PCDHGB3: variants seen among roughly 807,000 people sequenced by gnomAD.
PCDHGB3 encodes the protein protocadherin gamma subfamily B, 3.
PCDHGB3 carries 40 observed loss-of-function variants against 59.2 expected under a neutral mutation model. The ratio of observed to expected loss-of-function variants is 0.68; its 90% CI spans 0.52 to 0.88. The LOEUF is 0.88. Ranked by LOEUF, PCDHGB3 falls within the 40% of genes least tolerant of loss-of-function variation. The probability of loss-of-function intolerance (pLI) is 0.00; values close to 1 mark genes in which losing one functional copy is unlikely to be tolerated. For synonymous variants in PCDHGB3, 581 were observed against 503.6 expected, an observed-to-expected ratio of 1.15 and a Z score of -2.06; for missense variants, 1,309 against 1,187.9, an observed-to-expected ratio of 1.10 and a Z score of -1.50.
intron 1 of PCDHGB3, chr5:141,410,439 G>A (rs775594110): frequency 3.1e-6 from 5 of 1,614,006 alleles, no homozygotes; most frequent in Admixed American, 3.3e-5. Context: ...TACAGTGAGG[G>A]GACTTTGCCT....
At chr5:141,403,873 A>G in intron 1 of PCDHGB3, 1 of 1,613,840 alleles carries the variant, frequency 6.2e-7, no homozygotes, top group Non-Finnish European at 8.5e-7. Flanking sequence ...CAAAAAGTCT[A>G]GATTATGAAG....
chr5:141,472,486 G>A (rs1300618918), intron 1 of PCDHGB3, among the ~76,000 whole-genome samples: 1 of 152,050 alleles, frequency 6.6e-6, no homozygotes, highest in Non-Finnish European at 1.5e-5. Flanking sequence ...CTTGCAGTGA[G>A]ACGAGATCGT....
At chr5:141,455,860 A>ATTATTTAT (rs145569377) in intron 1 of PCDHGB3, among the ~76,000 whole-genome samples, 155 of 139,844 alleles carry the variant, frequency 1.1e-3, no homozygotes, top group Non-Finnish European at 1.5e-3. Flanking sequence ...AATTTCTTTT[A>ATTATTTAT]TTATTTATTT....
intron 1 of PCDHGB3, among the ~76,000 whole-genome samples, chr5:141,488,350 C>G (rs1191478919): frequency 6.6e-6 from 1 of 152,176 alleles, no homozygotes; most frequent in Non-Finnish European, 1.5e-5. Context: ...GAAACAGCCA[C>G]CCTGTGCATC....
At chr5:141,475,957 G>A (rs776101269) in intron 1 of PCDHGB3, 148 of 812,416 alleles carry the variant, frequency 1.8e-4, no homozygotes, top group Non-Finnish European at 2.6e-4. Flanking sequence ...CTGCGCCCCG[G>A]GATGAGGCAG....
At chr5:141,465,767 T>A (rs1427458413) in intron 1 of PCDHGB3, among the ~76,000 whole-genome samples, 1 of 152,016 alleles carries the variant, frequency 6.6e-6, no homozygotes, top group Non-Finnish European at 1.5e-5. Context: ...TCATGTTTCA[T>A]CTCTTGTTAC....
intron 1 of PCDHGB3, chr5:141,383,002 G>C (rs376825891): frequency 1.2e-6 from 2 of 1,613,768 alleles, no homozygotes; most frequent in African/African-American, 1.3e-5. Context: ...TCTCTACTCC[G>C]TGTCGGAGGA....
rs1486554010 is a variant in PCDHGB3 at position 141,431,630 on chromosome 5, G to C, written c.2415+58821G>C. Reference sequence around the variant, plus strand: ...GTATGTGGACGACAAGGCGGCCCAAGTTTTCAAACTAGATTGTAATTCAGG... The same window carrying C: ...GTATGTGGACGACAAGGCGGCCCAACTTTTCAAACTAGATTGTAATTCAGG... On this transcript the variant is annotated intron_variant, in intron 1 of 3. Transcript: ENST00000576222. This position sits in a 1 kb window ranked among gnomAD's most constrained non-coding sequence, Gnocchi z 4.8. 6.2e-7 allele frequency: 1 copy of C among 1,614,250 alleles called. No individual in the cohort carries two copies. Among genetic ancestry groups the C allele is most frequent in the East Asian group, 2.2e-5 (1 of 44,882 alleles).
At chr5:141,419,807 G>A in intron 1 of PCDHGB3, 2 of 1,614,074 alleles carry the variant, frequency 1.2e-6, no homozygotes, top group South Asian at 1.1e-5. Flanking sequence ...AAGAGATGGA[G>A]GACAGCCACC....
At chr5:141,401,128 G>A (rs1271194736) in intron 1 of PCDHGB3, among the ~76,000 whole-genome samples, 3 of 152,166 alleles carry the variant, frequency 2.0e-5, no homozygotes, top group Non-Finnish European at 4.4e-5. Context: ...TGGATCACAT[G>A]GTCAGGAGTT....
rs765318875 is a variant in PCDHGB3 at position 141,489,896 on chromosome 5, C to A, written c.2416-4911C>A. On this transcript the variant is annotated intron_variant, in intron 1 of 3. Coordinates refer to ENST00000576222, the MANE Select transcript of PCDHGB3 (RefSeq NM_018924.5). This position sits in a 1 kb window ranked among gnomAD's most constrained non-coding sequence, Gnocchi z 4.5. ...GTGCTTACTGCTGTGGATGGGGGGA[C>A]CCCAGCCCGCTCAGGGACCACCCTT... 5 of 1,614,062 alleles carry A rather than the reference C, an allele frequency of 3.1e-6. No homozygotes were observed.
At position 141,431,416 on chromosome 5, in the gene PCDHGB3, C is replaced by T. The variant is rs778722151; in HGVS notation, c.2415+58607C>T. Reference sequence around the variant, plus strand: ...TCCTTACGGCCTCCGACGGGGGCGACCCGGTGCGCACAGGCACCGCGCGCA... The same window carrying T: ...TCCTTACGGCCTCCGACGGGGGCGATCCGGTGCGCACAGGCACCGCGCGCA... On this transcript the variant is annotated intron_variant, in intron 1 of 3. Transcript: ENST00000576222. This position sits in a 1 kb window ranked among gnomAD's most constrained non-coding sequence, Gnocchi z 4.8. 2.5e-6 allele frequency: 4 copies of T among 1,613,714 alleles called. No homozygotes were observed. Among genetic ancestry groups the T allele is most frequent in the Admixed American group, 1.7e-5 (1 of 60,028 alleles).
At chr5:141,415,314 C>A (rs375384840) in intron 1 of PCDHGB3, 1 of 1,614,238 alleles carries the variant, frequency 6.2e-7, no homozygotes, top group Non-Finnish European at 8.5e-7. Context: ...CCTTCGTCAT[C>A]GTGCTGCTGG....
chr5:141,374,648 C>T, intron 1 of PCDHGB3: 5 of 1,612,462 alleles, frequency 3.1e-6, no homozygotes, highest in Non-Finnish European at 4.2e-6. Flanking sequence ...AGCCCATGGG[C>T]CCAAGTACCC....
intron 1 of PCDHGB3, chr5:141,409,769 G>C (rs1413636372): frequency 1.2e-6 from 2 of 1,612,776 alleles, no homozygotes; most frequent in Non-Finnish European, 1.7e-6. Context: ...CTTTGATCAC[G>C]AGCAGCTGCG....
rs769467027 is a variant in PCDHGB3, at chr5:141,477,255, A to G, written c.2416-17552A>G. On this transcript the variant is annotated intron_variant, in intron 1 of 3. Transcript: ENST00000576222. This position sits in a 1 kb window ranked among gnomAD's most constrained non-coding sequence, Gnocchi z 4.9. ...GCTTTGCTCAGTGTGACTGACCTGGATGCTGGCGAGAACGGGCTGGTGACC... is the reference window on the plus strand; with the variant it reads ...GCTTTGCTCAGTGTGACTGACCTGGGTGCTGGCGAGAACGGGCTGGTGACC... 1 of 1,614,146 alleles carries G rather than the reference A, an allele frequency of 6.2e-7. No individual in the cohort carries two copies. Among genetic ancestry groups the G allele is most frequent in the East Asian group, 2.2e-5 (1 of 44,874 alleles).
intron 1 of PCDHGB3, chr5:141,389,275 C>T (rs976237601): frequency 7.4e-6 from 12 of 1,614,004 alleles, no homozygotes; most frequent in Admixed American, 1.7e-5. Context: ...GAGAACAACC[C>T]GCCTGGAGCC....
chr5:141,432,053 C>T lies in PCDHGB3; in HGVS notation c.2415+59244C>T. The T allele has an allele frequency of 6.2e-7, 1 of 1,614,240 alleles. No homozygotes were observed. Among genetic ancestry groups the T allele is most frequent in the South Asian group, 1.1e-5 (1 of 91,082 alleles). ...CGCCACTGACCGGGGAACCCCGCCC[C>T]TATCCACGGAAACTCATATCTCGCT... On this transcript the variant is annotated intron_variant, in intron 1 of 3. Transcript: ENST00000576222. The surrounding 1 kb of genome is among the most constrained non-coding windows in gnomAD (Gnocchi z 6.0).
At chr5:141,421,675 G>A in intron 1 of PCDHGB3, 2 of 1,613,910 alleles carry the variant, frequency 1.2e-6, no homozygotes, top group Non-Finnish European at 1.7e-6. Context: ...CGCAATTCCT[G>A]GGGCGCGATT....
Sources: gnomAD v4.1 joint callset for allele counts (sites outside exome capture counted in the v4.1 genomes callset) on GRCh38, gnomAD v4.1.1 for gene constraint, Gnocchi (gnomAD v3.1) non-coding constraint, MANE v1.5 for transcripts, NCBI Gene and HGNC (gene_info 2026-07-23, HGNC 2026-07-21) for gene names.